APP: variants seen among roughly 807,000 people sequenced by gnomAD.
APP encodes the protein amyloid-beta precursor protein.
A neutral mutation model predicts 101.4 loss-of-function variants in APP; 31 were observed. That is an observed-to-expected ratio of 0.31 (90% CI 0.23 to 0.41). The LOEUF is 0.41. Ranked by LOEUF, APP falls within the 10% of genes least tolerant of loss-of-function variation. APP has a pLI of 1.00. For missense variants in APP, 839 were observed against 1,003.7 expected (o/e 0.84, Z 2.22); for synonymous variants, 366 against 364.4 (o/e 1.00, Z -0.05).
intron 5 of APP, among the ~76,000 whole-genome samples, chr21:26,047,550 A>T (rs2045661142): frequency 6.6e-6 from 1 of 152,252 alleles, no homozygotes; most frequent in African/African-American, 2.4e-5. Context: ...ACAGGAAAAG[A>T]AGTTAAAAAA....
At chr21:26,115,918 A>G (rs2062425331) in intron 1 of APP, among the ~76,000 whole-genome samples, 1 of 152,220 alleles carries the variant, frequency 6.6e-6, no homozygotes, top group Non-Finnish European at 1.5e-5. Flanking sequence ...AGTTCTATTT[A>G]TGTCTTAACA....
chr21:25,974,800 A>G (rs45467803), intron 11 of APP, among the ~76,000 whole-genome samples: 2 of 152,304 alleles, frequency 1.3e-5, no homozygotes, highest in African/African-American at 2.4e-5. Context: ...TATTAAATCA[A>G]GTCAGGGCTT....
intron 3 of APP, among the ~76,000 whole-genome samples, chr21:26,088,886 T>C (rs1180488181): frequency 6.6e-6 from 1 of 152,234 alleles, no homozygotes; most frequent in South Asian, 2.1e-4. Context: ...AGGTGAAATC[T>C]TCTTTCTAAT....
At chr21:26,028,574 T>A (rs140293479) in intron 5 of APP, among the ~76,000 whole-genome samples, 44 of 152,284 alleles carry the variant, frequency 2.9e-4, no homozygotes, top group Middle Eastern at 3.4e-3. Context: ...TTCAGGTATT[T>A]TTTTTCTTTA....
At chr21:25,899,508 G>A (rs1003456934) in intron 15 of APP, among the ~76,000 whole-genome samples, 6 of 152,108 alleles carry the variant, frequency 3.9e-5, no homozygotes, top group Non-Finnish European at 8.8e-5. Flanking sequence ...GCAGGGGTGC[G>A]AGATGCCATG....
At chr21:25,978,583 C>A (rs1243022539) in intron 9 of APP, among the ~76,000 whole-genome samples, 1 of 152,050 alleles carries the variant, frequency 6.6e-6, no homozygotes, top group African/African-American at 2.4e-5. Context: ...ATAAAAAATT[C>A]ATTAGGTGAG....
At chr21:26,102,082 G>GTTTGT (rs1555875757) in intron 2 of APP, among the ~76,000 whole-genome samples, 1 of 101,144 alleles carries the variant, frequency 9.9e-6, no homozygotes, top group East Asian at 3.0e-4. Context: ...AAACTATGTG[G>GTTTGT]TTTTTTTTTT....
intron 5 of APP, among the ~76,000 whole-genome samples, chr21:26,050,134 A>G (rs1568910240): frequency 6.6e-6 from 1 of 152,144 alleles, no homozygotes; most frequent in Non-Finnish European, 1.5e-5. Context: ...AGCAGATTAC[A>G]CCAGAAATTA....
intron 8 of APP, among the ~76,000 whole-genome samples, chr21:25,983,201 T>C (rs1009226250): frequency 6.6e-6 from 1 of 152,216 alleles, no homozygotes. Context: ...ATGTAACTCA[T>C]GAGCCAAGTG....
chr21:25,908,220 C>A (rs1257007605), intron 14 of APP, among the ~76,000 whole-genome samples: 1 of 152,214 alleles, frequency 6.6e-6, no homozygotes, highest in African/African-American at 2.4e-5. Context: ...CCTAGCCATT[C>A]ATTTAGGTTT....
chr21:25,979,620 A>G (rs1412480224), intron 9 of APP, among the ~76,000 whole-genome samples: 1 of 152,224 alleles, frequency 6.6e-6, no homozygotes, highest in African/African-American at 2.4e-5. Flanking sequence ...CTGATGACTA[A>G]AAGATGAACA....
chr21:26,050,621 C>T (rs770571471), intron 5 of APP, among the ~76,000 whole-genome samples: 9 of 151,238 alleles, frequency 6.0e-5, no homozygotes, highest in Admixed American at 2.0e-4. Context: ...AAACCTTTAA[C>T]GAAAATTCAC....
intron 1 of APP, among the ~76,000 whole-genome samples, chr21:26,164,029 G>A (rs575582352): frequency 7.9e-5 from 12 of 152,130 alleles, no homozygotes; most frequent in Admixed American, 2.0e-4. Context: ...GGCGGATCAC[G>A]AGGTCAAGAG....
intron 2 of APP, among the ~76,000 whole-genome samples, chr21:26,104,862 T>TCTG (rs145894444): frequency 0.015 from 2,303 of 152,270 alleles, 32 homozygotes; most frequent in Non-Finnish European, 0.022. Context: ...GGTGATGAGT[T>TCTG]CTGTTGGTTT....
chr21:25,905,106 A>C, intron 14 of APP, 29 bp from the exon 15 acceptor site: 1 of 1,604,136 alleles, frequency 6.2e-7, no homozygotes, highest in South Asian at 1.1e-5. Context: ...GGACACAGAA[A>C]GCAAACAAGA....
chr21:26,051,550 T>C (rs1342430496), intron 4 of APP, among the ~76,000 whole-genome samples: 1 of 152,170 alleles, frequency 6.6e-6, no homozygotes, highest in Non-Finnish European at 1.5e-5. Context: ...TATCCAGAAA[T>C]TGTGCGCATT....
chr21:25,885,837 G>A (rs1183585082), intron 17 of APP, among the ~76,000 whole-genome samples: 1 of 152,126 alleles, frequency 6.6e-6, no homozygotes, highest in African/African-American at 2.4e-5. Flanking sequence ...GTCCTTCACT[G>A]TATCCAGAGT....
At chr21:26,053,474 T>G in intron 3 of APP, 126 bp from the exon 4 acceptor site, 1 of 719,578 alleles carries the variant, frequency 1.4e-6, no homozygotes, top group South Asian at 1.5e-5. Flanking sequence ...AGCAACCCAA[T>G]CAAGACCCTA....
At position 26,043,238 on chromosome 21, in the gene APP, CTTTTCT is replaced by C. The variant is rs976994890; in HGVS notation, c.662+7756_662+7761del. ...TATTCCTTAGTTTTTCTTTTCTTTT[CTTTTCT>C]TTTTTTTTTGAGACAGAGTCTTGCT... On this transcript the variant is annotated intron_variant, in intron 5 of 17. Coordinates refer to ENST00000346798, the MANE Select transcript of APP (RefSeq NM_000484.4). Among the ~76,000 whole-genome samples, 8 of 146,086 alleles carry C rather than the reference CTTTTCT, an allele frequency of 5.5e-5. No individual in the cohort carries two copies. The East Asian group carries it at 1.3e-3, about 23-fold the overall frequency.
Sources: gnomAD v4.1 joint callset for allele counts (sites outside exome capture counted in the v4.1 genomes callset) on GRCh38, gnomAD v4.1.1 for gene constraint, MANE v1.5 for transcripts, NCBI Gene and HGNC (gene_info 2026-07-23, HGNC 2026-07-21) for gene names.